Variants in FNDC1 observed in about 807,000 individuals in gnomAD.
The protein encoded by FNDC1 is fibronectin type III domain containing 1.
FNDC1 carries 96 observed loss-of-function variants against 168.0 expected under a neutral mutation model. That is an observed-to-expected ratio of 0.57 (90% CI 0.48 to 0.68). FNDC1 has a LOEUF of 0.68. Ranked by LOEUF, FNDC1 falls within the 30% of genes least tolerant of loss-of-function variation. The pLI, the probability that FNDC1 is intolerant of heterozygous loss-of-function variation, is 0.00. For synonymous variants in FNDC1, 1,099 were observed against 1,025.9 expected (o/e 1.07, Z -1.36); for missense variants, 2,587 against 2,482.1 (o/e 1.04, Z -0.90).
In FNDC1 at chr6:159,200,541, T is replaced by C; in HGVS notation, c.420T>C (p.Phe140=). ...GTGAATGGATCGAGATTGATGGTTT[T>C]CCCATTAAGGGTCCAGGACCATTTA... The part of the protein sequence containing the change: ...PGGEWIEIDG[F]PIKGPGPFNE... The change falls in exon 4 of 23, where the codon TTT becomes TTC. Residue 140 remains phenylalanine (F), a synonymous_variant. Coordinates refer to ENST00000297267, the MANE Select transcript of FNDC1 (RefSeq NM_032532.3). 2.5e-6 allele frequency: 4 copies of C among 1,600,660 alleles called. No individual in the cohort carries two copies. Among genetic ancestry groups the C allele is most frequent in the Non-Finnish European group, 3.4e-6 (4 of 1,172,972 alleles).
intron 13 of FNDC1, among the ~76,000 whole-genome samples, chr6:159,239,134 A>G (rs999530403): frequency 1.3e-5 from 2 of 152,134 alleles, no homozygotes; most frequent in African/African-American, 4.8e-5. Context: ...CTCATTTTTT[A>G]TGTGTTGTTT....
At chr6:159,172,959 C>T (rs975666885) in intron 1 of FNDC1, among the ~76,000 whole-genome samples, 13 of 152,196 alleles carry the variant, frequency 8.5e-5, no homozygotes, top group Non-Finnish European at 1.5e-4. Flanking sequence ...GCTCTTCTCA[C>T]TCATTTCTCT....
intron 4 of FNDC1, among the ~76,000 whole-genome samples, chr6:159,200,801 G>A (rs993415945): frequency 1.3e-5 from 2 of 152,160 alleles, no homozygotes; most frequent in African/African-American, 2.4e-5. Flanking sequence ...ATGTTCTCGC[G>A]TGGGGAAGTG....
At position 159,266,127 on chromosome 6, in the gene FNDC1, C is replaced by T. The variant is rs749984771; in HGVS notation, c.5328C>T (p.Pro1776=). The change falls in exon 21 of 23, where the codon CCC becomes CCT. Residue 1776 remains proline (P), a synonymous_variant. Coordinates refer to ENST00000297267, the MANE Select transcript of FNDC1 (RefSeq NM_032532.3). ...TCCCATTCGCTTTCAAACATGATCC[C>T]AGCTACACGGACTGCCATGGACGGC... ...IWIPFAFKHD[P]SYTDCHGRQY... is the part of the protein sequence containing the mutation. The T allele has an allele frequency of 1.9e-6, 3 of 1,613,908 alleles. No homozygotes were observed. Among genetic ancestry groups the T allele is most frequent in the South Asian group, 1.1e-5 (1 of 91,080 alleles).
intron 11 of FNDC1, among the ~76,000 whole-genome samples, chr6:159,235,335 T>G (rs976162100): frequency 4.0e-5 from 6 of 151,622 alleles, no homozygotes; most frequent in Admixed American, 6.6e-5. Flanking sequence ...TTTTTGCAGA[T>G]CTGTACAATG....
At chr6:159,200,874 C>T (rs370888559) in intron 4 of FNDC1, among the ~76,000 whole-genome samples, 3 of 152,364 alleles carry the variant, frequency 2.0e-5, no homozygotes, top group South Asian at 4.1e-4. Flanking sequence ...GTTGAGATGG[C>T]AGTACTGACC....
chr6:159,192,125 G>A (rs1782153922), intron 1 of FNDC1, among the ~76,000 whole-genome samples: 1 of 152,094 alleles, frequency 6.6e-6, no homozygotes, highest in African/African-American at 2.4e-5. Context: ...TGATCCACCT[G>A]CTTCAGCCTC....
intron 1 of FNDC1, among the ~76,000 whole-genome samples, chr6:159,171,061 C>T (rs1274367833): frequency 6.6e-6 from 1 of 152,114 alleles, no homozygotes; most frequent in Non-Finnish European, 1.5e-5. Flanking sequence ...TTTCCGATTC[C>T]TCTGCCACCT....
Position 159,221,547 on chromosome 6 carries a change from G to T in FNDC1, c.668-51G>T, listed in dbSNP as rs1782825088. The T allele has an allele frequency of 3.5e-6, 5 of 1,439,628 alleles. No individual in the cohort carries two copies. The Admixed American group carries it at 8.4e-5, about 24-fold the overall frequency. The allele number at this position is 1,439,628 out of a possible 1,614,324, so 89.2% of individuals were successfully genotyped here. ...CCCGCTCCAGCCCCAGGGGATGTGT[G>T]TTCCTGAGAAATGGAAGTCAGAATC... is the stretch of plus-strand genomic sequence containing the variant. On this transcript the variant is annotated intron_variant, in intron 5 of 22. Coordinates refer to ENST00000297267, the MANE Select transcript of FNDC1 (RefSeq NM_032532.3).
chr6:159,227,912 C>G (rs749196954), intron 9 of FNDC1, among the ~76,000 whole-genome samples: 6 of 152,196 alleles, frequency 3.9e-5, no homozygotes, highest in Non-Finnish European at 7.3e-5. Flanking sequence ...CTGCTTGCAG[C>G]CTGTGGGCCA....
At chr6:159,228,733 G>C (rs1783011253) in intron 9 of FNDC1, among the ~76,000 whole-genome samples, 1 of 152,208 alleles carries the variant, frequency 6.6e-6, no homozygotes. Context: ...CTGGAGTGCA[G>C]TGTGCAATCT....
At chr6:159,230,340 C>G (rs1307943566) in intron 10 of FNDC1, among the ~76,000 whole-genome samples, 1 of 152,090 alleles carries the variant, frequency 6.6e-6, no homozygotes, top group Non-Finnish European at 1.5e-5. Context: ...ATTGTCAGCT[C>G]TCTTCAATTT....
intron 4 of FNDC1, among the ~76,000 whole-genome samples, chr6:159,213,479 A>C (rs1009849874): frequency 2.6e-5 from 4 of 152,172 alleles, no homozygotes; most frequent in African/African-American, 9.7e-5. Flanking sequence ...TGGAACAGAG[A>C]ACTGCCATCC....
intron 5 of FNDC1, among the ~76,000 whole-genome samples, chr6:159,219,835 A>G (rs1333953624): frequency 6.6e-6 from 1 of 152,162 alleles, no homozygotes; most frequent in African/African-American, 2.4e-5. Context: ...ACTGCTTTCC[A>G]TTAGTTACTT....
intron 5 of FNDC1, among the ~76,000 whole-genome samples, chr6:159,219,752 T>C (rs916824281): frequency 4.6e-5 from 7 of 152,128 alleles, no homozygotes; most frequent in African/African-American, 1.7e-4. Flanking sequence ...TCTCAGAACT[T>C]TAAGAAATAC....
chr6:159,199,461 A>G (rs994672183), intron 2 of FNDC1, among the ~76,000 whole-genome samples: 7 of 152,232 alleles, frequency 4.6e-5, no homozygotes, highest in Admixed American at 3.9e-4. Flanking sequence ...CAGACATAGT[A>G]AGGGGAATAT....
At chr6:159,224,537 G>A (rs1255411447) in intron 7 of FNDC1, among the ~76,000 whole-genome samples, 1 of 152,138 alleles carries the variant, frequency 6.6e-6, no homozygotes, top group Non-Finnish European at 1.5e-5. Context: ...TTCACTGTCT[G>A]CTAGTAAAAA....
intron 22 of FNDC1, among the ~76,000 whole-genome samples, chr6:159,268,645 T>C (rs1777640328): frequency 6.6e-6 from 1 of 151,534 alleles, no homozygotes; most frequent in African/African-American, 2.4e-5. Flanking sequence ...TATCCATCTA[T>C]GTATGTATGT....
chr6:159,239,607 A>T lies in FNDC1; in HGVS notation c.4271A>T (p.Lys1424Met), dbSNP rs1783355909. The T allele has an allele frequency of 6.3e-7, 1 of 1,580,170 alleles. No homozygotes were observed. Among genetic ancestry groups the T allele is most frequent in the Admixed American group, 1.8e-5 (1 of 54,590 alleles). The change falls in exon 14 of 23, where the codon AAG becomes ATG. Residue 1424 changes from lysine (K) to methionine (M), a missense_variant. Lys to Met is a moderately conservative substitution (Grantham distance 95). Transcript: ENST00000297267. The stretch of plus-strand genomic sequence containing the variant: ...ACACCTCTGGCCAATGCCCAAGATA[A>T]GCCAATTTTGAGTCTTGGAGGAAAG... ...HGTPLANAQDKPILSLGGKPL... is the reference protein window; with the variant it reads ...HGTPLANAQDMPILSLGGKPL...
Sources: allele counts gnomAD v4.1 joint callset (sites outside exome capture counted in the v4.1 genomes callset), GRCh38; gene constraint gnomAD v4.1.1; transcripts MANE v1.5; gene names NCBI Gene and HGNC (gene_info 2026-07-23, HGNC 2026-07-21).